Variants in MAML2 observed in about 807,000 individuals in gnomAD.
The protein encoded by MAML2 is mastermind like transcriptional coactivator 2, also known as mastermind-like protein 2.
Under a neutral mutation model 96.1 loss-of-function variants are expected in MAML2, and 22 were observed. That is an observed-to-expected ratio of 0.23 (90% CI 0.16 to 0.33). MAML2 has a LOEUF of 0.33. MAML2 is among the 10% of genes least tolerant of loss of function. MAML2 has a pLI of 1.00. For missense variants in MAML2, 1,367 were observed against 1,392.4 expected, an observed-to-expected ratio of 0.98 and a Z score of 0.29; for synonymous variants, 561 against 521.3, an observed-to-expected ratio of 1.08 and a Z score of -1.04.
intron 1 of MAML2, among the ~76,000 whole-genome samples, chr11:96,335,916 C>T (rs1026254180): frequency 6.6e-6 from 1 of 152,112 alleles, no homozygotes; most frequent in African/African-American, 2.4e-5. Flanking sequence ...GTATTTTCTC[C>T]CTCTTCTCAG....
intron 2 of MAML2, among the ~76,000 whole-genome samples, chr11:96,027,178 C>T (rs1858539014): frequency 6.6e-6 from 1 of 152,182 alleles, no homozygotes; most frequent in African/African-American, 2.4e-5. Context: ...ATCCTTTGAA[C>T]AAACCTTACA....
intron 1 of MAML2, among the ~76,000 whole-genome samples, chr11:96,282,146 G>A (rs932141529): frequency 1.3e-5 from 2 of 151,850 alleles, no homozygotes; most frequent in Non-Finnish European, 2.9e-5. Context: ...CTACTCGGGA[G>A]GCTGAGGCAG....
chr11:96,101,029 A>C (rs1276474003), intron 1 of MAML2, among the ~76,000 whole-genome samples: 1 of 152,152 alleles, frequency 6.6e-6, no homozygotes, highest in Non-Finnish European at 1.5e-5. Context: ...TACAGCTGTG[A>C]GCCATTGTGT....
chr11:96,282,388 A>AT (rs1194126022), intron 1 of MAML2, among the ~76,000 whole-genome samples: 1 of 152,206 alleles, frequency 6.6e-6, no homozygotes, highest in Non-Finnish European at 1.5e-5. Context: ...GATTTAAATT[A>AT]TTTTTCAGTA....
At chr11:96,200,283 G>A (rs1166697380) in intron 1 of MAML2, among the ~76,000 whole-genome samples, 1 of 152,158 alleles carries the variant, frequency 6.6e-6, no homozygotes, top group Non-Finnish European at 1.5e-5. Flanking sequence ...CCCTTGGTCA[G>A]GAGAAGCCAT....
intron 1 of MAML2, among the ~76,000 whole-genome samples, chr11:96,174,541 G>A (rs1288918449): frequency 1.3e-5 from 2 of 152,134 alleles, no homozygotes; most frequent in Admixed American, 6.5e-5. Flanking sequence ...CCGCCGCCAT[G>A]CCCAGCTAAT....
intron 2 of MAML2, among the ~76,000 whole-genome samples, chr11:96,020,368 C>T (rs1263855988): frequency 6.6e-6 from 1 of 152,200 alleles, no homozygotes; most frequent in Non-Finnish European, 1.5e-5. Context: ...TTCCTATTAG[C>T]ACCACATGAC....
At chr11:96,026,021 A>C (rs966868248) in intron 2 of MAML2, among the ~76,000 whole-genome samples, 9 of 152,226 alleles carry the variant, frequency 5.9e-5, no homozygotes, top group African/African-American at 2.2e-4. Flanking sequence ...CTGATTCTTC[A>C]ACAAGAGTTT....
At chr11:96,339,537 G>C (rs1437570303) in intron 1 of MAML2, among the ~76,000 whole-genome samples, 1 of 152,174 alleles carries the variant, frequency 6.6e-6, no homozygotes, top group Non-Finnish European at 1.5e-5. Context: ...GGCTCTTCAC[G>C]GCCCCGCTCC....
At chr11:96,208,523 G>T (rs1380307957) in intron 1 of MAML2, among the ~76,000 whole-genome samples, 2 of 152,220 alleles carry the variant, frequency 1.3e-5, no homozygotes, top group Non-Finnish European at 2.9e-5. Context: ...TTCATGTAGA[G>T]ATACTTGAAG....
intron 2 of MAML2, among the ~76,000 whole-genome samples, chr11:96,069,628 C>T (rs1391171429): frequency 6.6e-5 from 10 of 152,090 alleles, no homozygotes; most frequent in South Asian, 2.1e-4. Flanking sequence ...AGTGAGTCGC[C>T]ATAATGCCAG....
At chr11:96,002,877 GGAT>G (rs1858111805) in intron 2 of MAML2, among the ~76,000 whole-genome samples, 1 of 139,186 alleles carries the variant, frequency 7.2e-6, no homozygotes, top group Admixed American at 7.1e-5. Context: ...ATGATGATGG[GGAT>G]GATGAGGAGG....
chr11:96,209,860 A>G (rs1442155304), intron 1 of MAML2, among the ~76,000 whole-genome samples: 1 of 152,218 alleles, frequency 6.6e-6, no homozygotes, highest in African/African-American at 2.4e-5. Context: ...ATAGACCTCA[A>G]TATCTCCCAC....
intron 2 of MAML2, among the ~76,000 whole-genome samples, chr11:96,025,375 A>G (rs985813771): frequency 2.0e-5 from 3 of 152,142 alleles, no homozygotes; most frequent in African/African-American, 4.8e-5. Flanking sequence ...AAAGATGGGA[A>G]CGACAGGTAC....
intron 4 of MAML2, among the ~76,000 whole-genome samples, chr11:95,983,412 G>A (rs1857773550): frequency 6.6e-6 from 1 of 152,200 alleles, no homozygotes; most frequent in Non-Finnish European, 1.5e-5. Context: ...AGGATGTGGG[G>A]AGAAAAAGCT....
intron 2 of MAML2, among the ~76,000 whole-genome samples, chr11:96,073,783 G>A (rs1038696883): frequency 2.6e-5 from 4 of 152,180 alleles, no homozygotes; most frequent in African/African-American, 9.7e-5. Context: ...TACGGCTCTG[G>A]TTGGCTATTT....
chr11:96,087,613 A>G (rs1859638476), intron 2 of MAML2, among the ~76,000 whole-genome samples: 1 of 152,238 alleles, frequency 6.6e-6, no homozygotes, highest in South Asian at 2.1e-4. Context: ...CCTTGACCGC[A>G]GGTATGTCAC....
At chr11:96,079,295 A>G (rs1859496174) in intron 2 of MAML2, among the ~76,000 whole-genome samples, 1 of 152,240 alleles carries the variant, frequency 6.6e-6, no homozygotes, top group Non-Finnish European at 1.5e-5. Context: ...ATACATACAC[A>G]TGTATATTAC....
intron 1 of MAML2, among the ~76,000 whole-genome samples, chr11:96,181,574 A>G (rs539919634): frequency 6.6e-6 from 1 of 152,226 alleles, no homozygotes; most frequent in Non-Finnish European, 1.5e-5. Flanking sequence ...AGTCTTTACA[A>G]CGTTGAGAAT....
Sources: gnomAD v4.1 joint callset for allele counts (sites outside exome capture counted in the v4.1 genomes callset) on GRCh38, gnomAD v4.1.1 for gene constraint, MANE v1.5 for transcripts, NCBI Gene and HGNC (gene_info 2026-07-23, HGNC 2026-07-21) for gene names.